Variants in KLF8 observed in about 807,000 individuals in gnomAD.
KLF8 encodes the protein Krueppel-like factor 8.
KLF8 carries 10 observed loss-of-function variants against 18.2 expected under a neutral mutation model. That is an observed-to-expected ratio of 0.55 (90% CI 0.34 to 0.93). The LOEUF (loss-of-function observed/expected upper bound fraction) is 0.93. Ranked by LOEUF, KLF8 falls within the 40% of genes least tolerant of loss-of-function variation. The pLI is 0.02. For synonymous variants in KLF8, 109 were observed against 97.3 expected, an observed-to-expected ratio of 1.12 and a Z score of -0.71; for missense variants, 264 against 277.9, an observed-to-expected ratio of 0.95 and a Z score of 0.36.
At chrX:56,015,065 G>A in the KLF8 span, 1 of 109,686 alleles carries the variant, frequency 9.1e-6, no homozygotes, top group African/African-American at 3.3e-5. Context: ...CTTGATGATG[G>A]GATGATCTGT....
chrX:56,109,439 T>C, the KLF8 span, among the ~76,000 whole-genome samples: 6 of 110,336 alleles, frequency 5.4e-5, no homozygotes, highest in East Asian at 1.7e-3. Context: ...GAATGTTCCA[T>C]GCTCATCTGA....
the KLF8 span, among the ~76,000 whole-genome samples, chrX:56,062,003 T>C: frequency 9.8e-6 from 1 of 102,405 alleles, no homozygotes; most frequent in East Asian, 2.9e-4. Flanking sequence ...TTTTTTTTTT[T>C]TTCTTTTTGG....
At chrX:55,956,123 A>G in the KLF8 span, among the ~76,000 whole-genome samples, 1 of 74,590 alleles carries the variant, frequency 1.3e-5, no homozygotes, top group Non-Finnish European at 2.4e-5. Flanking sequence ...ATAAATATCT[A>G]TCTATTTATC....
the KLF8 span, among the ~76,000 whole-genome samples, chrX:56,142,234 A>G: frequency 1.8e-5 from 2 of 111,884 alleles, no homozygotes; most frequent in Non-Finnish European, 3.8e-5. Context: ...AAGTTCACCA[A>G]TAACCTCCAA....
the KLF8 span, among the ~76,000 whole-genome samples, chrX:56,156,526 T>A: frequency 9.0e-6 from 1 of 110,993 alleles, no homozygotes; most frequent in Non-Finnish European, 1.9e-5. Flanking sequence ...CTAAGGATAA[T>A]GGCCTCCAGC....
the KLF8 span, among the ~76,000 whole-genome samples, chrX:56,055,261 A>C: frequency 8.9e-6 from 1 of 111,985 alleles, no homozygotes; most frequent in African/African-American, 3.2e-5. Context: ...GATCTTTTAA[A>C]GTAGGTTTGA....
At chrX:56,200,466 G>A in the KLF8 span, among the ~76,000 whole-genome samples, 1 of 110,475 alleles carries the variant, frequency 9.1e-6, no homozygotes, top group South Asian at 3.7e-4. Flanking sequence ...TAGCTTAGAT[G>A]ACATACAAAA....
chrX:56,139,477 G>A, the KLF8 span, among the ~76,000 whole-genome samples: 10 of 111,399 alleles, frequency 9.0e-5, no homozygotes, highest in African/African-American at 3.3e-4. Context: ...GGAACAGAAT[G>A]GAGAACCCAG....
the KLF8 span, among the ~76,000 whole-genome samples, chrX:56,127,786 G>A: frequency 8.9e-6 from 1 of 111,800 alleles, no homozygotes; most frequent in Admixed American, 9.5e-5. Context: ...AATAAAGATG[G>A]AAAATAATTA....
At chrX:56,092,505 G>T in the KLF8 span, among the ~76,000 whole-genome samples, 5 of 111,200 alleles carry the variant, frequency 4.5e-5, no homozygotes, top group African/African-American at 1.6e-4. Context: ...TGTTATGCAT[G>T]TGACTATCCA....
At chrX:56,090,465 G>A in the KLF8 span, among the ~76,000 whole-genome samples, 21 of 111,658 alleles carry the variant, frequency 1.9e-4, no homozygotes, top group Non-Finnish European at 3.2e-4. Context: ...CAAATGTGTT[G>A]GAATTATTAA....
At chrX:56,281,359 TG>T (rs1463453920) in intron 5 of KLF8, among the ~76,000 whole-genome samples, 3 of 112,038 alleles carry the variant, frequency 2.7e-5, no homozygotes, top group Non-Finnish European at 3.8e-5. Flanking sequence ...CCTCCATATT[TG>T]TGCCTTCACA....
At chrX:56,215,691 C>T in the KLF8 span, among the ~76,000 whole-genome samples, 15 of 106,551 alleles carry the variant, frequency 1.4e-4, no homozygotes, top group African/African-American at 4.2e-4. Flanking sequence ...GGTGTGATGG[C>T]CAGCAGCTTT....
the KLF8 span, among the ~76,000 whole-genome samples, chrX:56,057,552 T>C: frequency 9.0e-6 from 1 of 111,419 alleles, no homozygotes. Context: ...GTTGGAGCTC[T>C]CCATTGGTCA....
At chrX:56,224,913 C>T in the KLF8 span, among the ~76,000 whole-genome samples, 2 of 111,366 alleles carry the variant, frequency 1.8e-5, no homozygotes, top group Admixed American at 9.6e-5. Flanking sequence ...TTGCTGCATC[C>T]TCCAGAGGGG....
the KLF8 span, among the ~76,000 whole-genome samples, chrX:56,047,041 G>A: frequency 9.4e-6 from 1 of 106,222 alleles, no homozygotes. Context: ...GAAACTTCTT[G>A]GAGGCTTTGT....
chrX:55,961,474 A>T, the KLF8 span: 14 of 548,586 alleles, frequency 2.6e-5, no homozygotes, highest in Non-Finnish European at 4.0e-5. Flanking sequence ...TGCCACAAAA[A>T]ATTTGGACAA....
At chrX:56,226,993 G>C in the KLF8 span, among the ~76,000 whole-genome samples, 1 of 112,484 alleles carries the variant, frequency 8.9e-6, no homozygotes, top group African/African-American at 3.2e-5. Flanking sequence ...ACTTCAATAG[G>C]TGTATTGGCA....
the KLF8 span, among the ~76,000 whole-genome samples, chrX:56,003,557 T>C: frequency 8.9e-6 from 1 of 111,760 alleles, no homozygotes; most frequent in African/African-American, 3.2e-5. Flanking sequence ...TCTCTGTTTA[T>C]TGAGAGAACA....
Sources: allele counts gnomAD v4.1 joint callset (sites outside exome capture counted in the v4.1 genomes callset), GRCh38; gene constraint gnomAD v4.1.1; transcripts MANE v1.5; gene names NCBI Gene and HGNC (gene_info 2026-07-23, HGNC 2026-07-21).